The following SPEG variants were observed in gnomAD, a reference collection of about 807,000 sequenced individuals.
SPEG encodes striated muscle enriched protein kinase.
Under a neutral mutation model 300.4 loss-of-function variants are expected in SPEG, and 114 were observed. The observed-to-expected ratio is 0.38, with a 90% CI of 0.33 to 0.44. SPEG has a LOEUF of 0.44. SPEG is among the 20% of genes least tolerant of loss of function. The pLI is 1.00. For missense variants in SPEG, 4,201 were observed against 4,586.2 expected (o/e 0.92, Z 2.43); for synonymous variants, 1,964 against 2,018.9 (o/e 0.97, Z 0.73).
chr2:219,485,366 C>T lies in SPEG; in HGVS notation c.7630C>T (p.Arg2544Trp), dbSNP rs765025755. 4 of 1,605,842 alleles carry T rather than the reference C, an allele frequency of 2.5e-6. No individual in the cohort carries two copies. Among genetic ancestry groups the T allele is most frequent in the East Asian group, 2.2e-5 (1 of 44,486 alleles). Reference sequence around the variant, plus strand: ...CACAGCCCCAGGGGAAAGCCGAAGCCGGCTCCGCTGGGGCTTCTCTCGGCC... The same window carrying T: ...CACAGCCCCAGGGGAAAGCCGAAGCTGGCTCCGCTGGGGCTTCTCTCGGCC... ...GSSAPGESRS[R>W]LRWGFSRPRK... Residue 2544 changes from arginine to tryptophan, a missense_variant, in exon 31 of 41, where the codon CGG (arginine) becomes TGG (tryptophan). Coordinates refer to ENST00000312358, the MANE Select transcript of SPEG (RefSeq NM_005876.5).
rs1359576792 is a variant in SPEG, at chr2:219,464,664, C to G, written c.2881+56C>G. 2 of 1,557,388 alleles carry G rather than the reference C, an allele frequency of 1.3e-6. No individual in the cohort carries two copies. Among genetic ancestry groups the G allele is most frequent in the Non-Finnish European group, 1.8e-6 (2 of 1,133,822 alleles). On this transcript the variant is annotated intron_variant, in intron 9 of 40. Transcript: ENST00000312358. This position sits in a 1 kb window ranked among gnomAD's most constrained non-coding sequence, Gnocchi z 4.5. ...CCTGGCCCTGGCCCCTTCCTTCCCCCACTGTCTGCTCTCACACAGCCTCAG... is the reference window on the plus strand; with the variant it reads ...CCTGGCCCTGGCCCCTTCCTTCCCCGACTGTCTGCTCTCACACAGCCTCAG...
rs1479943057 is a variant in SPEG at position 219,467,158 on chromosome 2, G to A, written c.2882-16G>A. 1 of 1,559,726 alleles carries A rather than the reference G, an allele frequency of 6.4e-7. No individual in the cohort carries two copies. The highest frequency in any genetic ancestry group is 2.3e-5 in the East Asian group (1 of 44,334). ...CTCTGCTCTGTGCGTGGCCCCCGTG[G>A]CTGCTTTCCCCTCAGCACACCCTGA... is the stretch of plus-strand genomic sequence containing the variant. On this transcript the variant is annotated splice_polypyrimidine_tract_variant and intron_variant, in intron 9 of 40. Coordinates refer to ENST00000312358, the MANE Select transcript of SPEG (RefSeq NM_005876.5).
rs370801735 is a variant in SPEG at position 219,462,397 on chromosome 2, G to A, written c.2705+11G>A. ...GCCTGTGGTCTCCTGGTGAGTAGCC[G>A]CACTTTCCACCACCCACCAGCGACT... On this transcript the variant is annotated intron_variant, in intron 8 of 40. Transcript: ENST00000312358. 318 of 1,550,820 alleles carry A rather than the reference G, an allele frequency of 2.1e-4. No homozygotes were observed. Among genetic ancestry groups the A allele is most frequent in the African/African-American group, 1.2e-3 (87 of 73,088 alleles).
At position 219,473,411 on chromosome 2, in the gene SPEG, A is replaced by G; in HGVS notation, c.4148-93A>G. 1 of 1,255,002 alleles carries G rather than the reference A, an allele frequency of 8.0e-7. No homozygotes were observed. The highest frequency in any genetic ancestry group is 1.5e-5 in the African/African-American group (1 of 67,566). The allele number at this position is 1,255,002 out of a possible 1,614,324, so 77.7% of individuals were successfully genotyped here. ...TCAGCTTTCCCATCTGTAAAAACGG[A>G]ACTCAAGTGTTGATGAGGGGTGTTA... On this transcript the variant is annotated intron_variant, in intron 16 of 40. Transcript: ENST00000312358. This position sits in a 1 kb window ranked among gnomAD's most constrained non-coding sequence, Gnocchi z 4.6.
chr2:219,479,168 A>T lies in SPEG; in HGVS notation c.5052A>T (p.Arg1684=). 1 of 1,613,736 alleles carries T rather than the reference A, an allele frequency of 6.2e-7. No individual in the cohort carries two copies. Among genetic ancestry groups the T allele is most frequent in the Non-Finnish European group, 8.5e-7 (1 of 1,180,000 alleles). Residue 1684 remains arginine, a synonymous_variant, in exon 23 of 41, where the codon CGA becomes CGT. Transcript: ENST00000312358. This position sits in a 1 kb window ranked among gnomAD's most constrained non-coding sequence, Gnocchi z 5.5. ...GCTGCACAGAGGAGCTGCTGGAGCG[A>T]ATCGCCAGGAAACCCACCGTGTGTG... is the stretch of plus-strand genomic sequence containing the variant. ...TELCTEELLE[R]IARKPTVCES...
intron 14 of SPEG, 69 bp from the exon 15 acceptor site, chr2:219,472,158 T>C: frequency 6.4e-7 from 1 of 1,550,848 alleles, no homozygotes; most frequent in African/African-American, 1.4e-5. Flanking sequence ...CCTCCTGCCC[T>C]GAGGCTCGGT....
rs1445201424 is a variant in SPEG, at chr2:219,483,830, C to G, written c.6367C>G (p.Arg2123Gly). 1 of 1,584,144 alleles carries G rather than the reference C, an allele frequency of 6.3e-7. No individual in the cohort carries two copies. The highest frequency in any genetic ancestry group is 8.5e-7 in the Non-Finnish European group (1 of 1,171,532). ...CCACCACCAGCCCCCACTCGAGAAC[C>G]GGGGCCTGCAAAAGAGCAGCAGCTT... ...APHHQPPLENRGLQKSSSFSQ... is the reference protein window; with the variant it reads ...APHHQPPLENGGLQKSSSFSQ... The change falls in exon 30 of 41, where the codon CGG becomes GGG. Residue 2123 changes from arginine to glycine, a missense_variant. By Grantham distance (125) the Arg-to-Gly change is moderately radical (BLOSUM62 -2). Transcript: ENST00000312358.
At chr2:219,475,736 C>G (rs910042608) in intron 18 of SPEG, among the ~76,000 whole-genome samples, 1 of 152,198 alleles carries the variant, frequency 6.6e-6, no homozygotes. Flanking sequence ...GAACAGTGAC[C>G]GATGGAGCCC....
chr2:219,461,261 G>C (rs977585661), intron 6 of SPEG: 4 of 985,698 alleles, frequency 4.1e-6, no homozygotes, highest in African/African-American at 3.5e-5. Flanking sequence ...CCTATCCCTC[G>C]AGCGTTTGGG....
chr2:219,493,002 T>C lies in SPEG; in HGVS notation c.*216T>C, dbSNP rs932215625. ...GGCCAAAGCCAGAGTGGGAGACCCA[T>C]TGGTCAGGCTCAGCAGGGTGGGAAC... On this transcript the variant is annotated 3_prime_UTR_variant, in exon 41 of 41. Transcript: ENST00000312358. 5 of 704,548 alleles carry C rather than the reference T, an allele frequency of 7.1e-6. No individual in the cohort carries two copies. Among genetic ancestry groups the C allele is most frequent in the East Asian group, 2.7e-5 (1 of 37,156 alleles). The allele number at this position is 704,548 out of a possible 1,614,324, so 43.6% of individuals were successfully genotyped here. A position where few individuals can be genotyped will look rare whatever the true frequency, so the allele number is the denominator to read the frequency against.
At chr2:219,461,685 C>A in intron 6 of SPEG, 197 bp from the exon 7 acceptor site, 1 of 796,930 alleles carries the variant, frequency 1.3e-6, no homozygotes, top group Non-Finnish European at 1.9e-6. Flanking sequence ...GTTGGCAGAG[C>A]CAGTGGCAGA....
chr2:219,488,893 A>G lies in SPEG; in HGVS notation c.8142A>G (p.Arg2714=). ...CTTGCACGTATACGCTGGAGCGGCG[A>G]GTGGATGGTGAGGATGGGGCAGCTG... ...RAPCTYTLER[R]VDGESVWHPV... Residue 2714 remains arginine (R), a synonymous_variant, in exon 34 of 41, where the codon CGA becomes CGG. Coordinates refer to ENST00000312358, the MANE Select transcript of SPEG (RefSeq NM_005876.5). 1 of 1,583,912 alleles carries G rather than the reference A, an allele frequency of 6.3e-7. No homozygotes were observed. Among genetic ancestry groups the G allele is most frequent in the South Asian group, 1.1e-5 (1 of 87,912 alleles).
Position 219,438,447 on chromosome 2 carries a change from G to A in SPEG, c.388+3082G>A, listed in dbSNP as rs1283004581. On this transcript the variant is annotated intron_variant, in intron 1 of 40. Transcript: ENST00000312358. ...AGAGAAGTGTGGGAAGACTGTCAAGGATTTGTCATCGTCACCATCTTTCTC... is the reference window on the plus strand; with the variant it reads ...AGAGAAGTGTGGGAAGACTGTCAAGAATTTGTCATCGTCACCATCTTTCTC... Among the ~76,000 whole-genome samples the A allele has an allele frequency of 2.0e-5, 3 of 152,144 alleles. No individual in the cohort carries two copies. In the East Asian group the frequency reaches 5.8e-4, roughly 29 times the overall value.
Position 219,444,500 on chromosome 2 carries a change from G to A in SPEG, c.389-153G>A, listed in dbSNP as rs888899087. Among the ~76,000 whole-genome samples the A allele has an allele frequency of 2.0e-5, 3 of 152,174 alleles. No homozygotes were observed. Among genetic ancestry groups the A allele is most frequent in the Non-Finnish European group, 2.9e-5 (2 of 68,024 alleles). Reference sequence around the variant, plus strand: ...GGGTTATCCTGAGCAGCCCAGGCTGGGCAGGGGATGTGGGGAGCAAAAGAG... The same window carrying A: ...GGGTTATCCTGAGCAGCCCAGGCTGAGCAGGGGATGTGGGGAGCAAAAGAG... On this transcript the variant is annotated intron_variant, in intron 1 of 40. Transcript: ENST00000312358. The surrounding 1 kb of genome is among the most constrained non-coding windows in gnomAD (Gnocchi z 7.8).
chr2:219,487,448 A>G (rs1270111496), intron 31 of SPEG, among the ~76,000 whole-genome samples: 1 of 152,272 alleles, frequency 6.6e-6, no homozygotes, highest in African/African-American at 2.4e-5. Context: ...TAATTGTCAC[A>G]GCAAGCATCC....
intron 4 of SPEG, 81 bp downstream of exon 4, chr2:219,449,352 G>A (rs1028680887): frequency 3.4e-6 from 4 of 1,176,444 alleles, no homozygotes; most frequent in Non-Finnish European, 4.4e-6. Context: ...CTCAGCAGGA[G>A]CCGGGGGGTC....
chr2:219,464,580 G>A lies in SPEG; in HGVS notation c.2853G>A (p.Arg951=). The change falls in exon 9 of 41, where the codon CGG becomes CGA. Residue 951 remains arginine (R), a synonymous_variant. Transcript: ENST00000312358. This position sits in a 1 kb window ranked among gnomAD's most constrained non-coding sequence, Gnocchi z 4.5. ...AAGCGGTCAATGAGTATGGTGCTCG[G>A]CAGTGCGAGGCCCGCTTGGAGGTCC... is the stretch of plus-strand genomic sequence containing the variant. The part of the protein sequence containing the change: ...TCKAVNEYGA[R]QCEARLEVRA... The A allele has an allele frequency of 6.2e-7, 1 of 1,614,208 alleles. No individual in the cohort carries two copies. The highest frequency in any genetic ancestry group is 1.1e-5 in the South Asian group (1 of 91,080).
chr2:219,479,175 A>G lies in SPEG; in HGVS notation c.5059A>G (p.Arg1687Gly). The part of the protein sequence containing the change: ...CTEELLERIA[R>G]KPTVCESEIR... ...AGAGGAGCTGCTGGAGCGAATCGCC[A>G]GGAAACCCACCGTGTGTGAGTCTGA... Residue 1687 changes from arginine (R) to glycine (G), a missense_variant, in exon 23 of 41, where the codon AGG (arginine) becomes GGG (glycine). Coordinates refer to ENST00000312358, the MANE Select transcript of SPEG (RefSeq NM_005876.5). This position sits in a 1 kb window ranked among gnomAD's most constrained non-coding sequence, Gnocchi z 5.5. 1.2e-6 allele frequency: 2 copies of G among 1,613,712 alleles called. No individual in the cohort carries two copies. The highest frequency in any genetic ancestry group is 4.5e-5 in the East Asian group (2 of 44,888).
chr2:219,477,905 G>A lies in SPEG; in HGVS notation c.4827G>A (p.Arg1609=), dbSNP rs1469667826. The part of the protein sequence containing the change: ...DFYDIHQEIG[R]GAFSYLRRIV... ...CTGACCCCCTCCCTGTGTCAACCAG[G>A]GGTGCTTTCTCCTACTTGCGGCGCA... Residue 1609 remains arginine, a splice_region_variant and synonymous_variant, in exon 22 of 41, where the codon AGG becomes AGA. Coordinates refer to ENST00000312358, the MANE Select transcript of SPEG (RefSeq NM_005876.5). This position sits in a 1 kb window ranked among gnomAD's most constrained non-coding sequence, Gnocchi z 6.4. 7 of 1,613,738 alleles carry A rather than the reference G, an allele frequency of 4.3e-6. No individual in the cohort carries two copies. Among genetic ancestry groups the A allele is most frequent in the Non-Finnish European group, 5.9e-6 (7 of 1,179,824 alleles).
Sources: gnomAD v4.1 joint callset for allele counts (sites outside exome capture counted in the v4.1 genomes callset) on GRCh38, gnomAD v4.1.1 for gene constraint, Gnocchi (gnomAD v3.1) non-coding constraint, MANE v1.5 for transcripts, NCBI Gene and HGNC (gene_info 2026-07-23, HGNC 2026-07-21) for gene names.